LRRK1: variants seen among roughly 807,000 people sequenced by gnomAD.
The protein encoded by LRRK1 is leucine rich repeat kinase 1, also known as leucine-rich repeat serine/threonine-protein kinase 1.
Under a neutral mutation model 209.1 loss-of-function variants are expected in LRRK1, and 113 were observed. The ratio of observed to expected loss-of-function variants is 0.54; its 90% CI spans 0.46 to 0.63. LRRK1 has a LOEUF of 0.63. LRRK1 is among the 30% of genes least tolerant of loss of function. LRRK1 has a pLI of 0.00. For missense variants in LRRK1, 2,284 were observed against 2,632.2 expected (o/e 0.87, Z 2.89); for synonymous variants, 1,144 against 1,099.7 (o/e 1.04, Z -0.80).
At chr15:101,034,209 T>C (rs927942894) in intron 20 of LRRK1, among the ~76,000 whole-genome samples, 2 of 152,224 alleles carry the variant, frequency 1.3e-5, no homozygotes, top group East Asian at 1.9e-4. Flanking sequence ...TCAACAGGTC[T>C]CTTCACTCTG....
intron 2 of LRRK1, among the ~76,000 whole-genome samples, chr15:100,936,375 G>C (rs2042299540): frequency 6.6e-6 from 1 of 152,122 alleles, no homozygotes; most frequent in Admixed American, 6.5e-5. Context: ...TATCATTTCT[G>C]CCTTGCCAGG....
chr15:101,049,935 G>A (rs2035308734), intron 23 of LRRK1, 152 bp downstream of exon 23: 3 of 818,306 alleles, frequency 3.7e-6, no homozygotes, highest in South Asian at 2.0e-5. Flanking sequence ...GGGAGTCCTG[G>A]CCCCCGAGAA....
chr15:100,992,581 GT>G (rs1167721970), intron 6 of LRRK1, among the ~76,000 whole-genome samples: 3 of 152,154 alleles, frequency 2.0e-5, no homozygotes, highest in Non-Finnish European at 4.4e-5. Flanking sequence ...AAAATTACTT[GT>G]TTTGTTTGTT....
At position 101,022,181 on chromosome 15, in the gene LRRK1, ATT is replaced by A. The variant is rs1313426532; in HGVS notation, c.1853-199_1853-198del. Among the ~76,000 whole-genome samples, 3 of 152,086 alleles carry A rather than the reference ATT, an allele frequency of 2.0e-5. No homozygotes were observed. The highest frequency in any genetic ancestry group is 4.4e-5 in the Non-Finnish European group (3 of 68,010). On this transcript the variant is annotated intron_variant, in intron 14 of 33. Coordinates refer to ENST00000388948, the MANE Select transcript of LRRK1 (RefSeq NM_024652.6). The surrounding 1 kb of genome is among the most constrained non-coding windows in gnomAD (Gnocchi z 4.0). ...AACTGTGACCTCCTGGGCAGCAAGG[ATT>A]TTGTCCATAGGTTCTTGCCTCTTAG... is the stretch of plus-strand genomic sequence containing the variant.
At chr15:100,988,471 CA>C (rs1369651400) in intron 4 of LRRK1, 162 bp from the exon 5 acceptor site, 8 of 714,744 alleles carry the variant, frequency 1.1e-5, no homozygotes, top group Non-Finnish European at 2.0e-5. Context: ...CTGCAAAGTA[CA>C]TGATCTCATT....
At chr15:101,035,998 C>G (rs904468587) in intron 20 of LRRK1, among the ~76,000 whole-genome samples, 3 of 152,162 alleles carry the variant, frequency 2.0e-5, no homozygotes, top group Non-Finnish European at 4.4e-5. Context: ...TGACTAGATT[C>G]TTTTCTATTG....
chr15:100,983,909 A>G lies in LRRK1; in HGVS notation c.433+210A>G, dbSNP rs542419632. On this transcript the variant is annotated intron_variant, in intron 4 of 33. Coordinates refer to ENST00000388948, the MANE Select transcript of LRRK1 (RefSeq NM_024652.6). ...CTCATAAGGGAAATTCTCAAACACC[A>G]TATTTCATAAAGAATGTAATTAACA... The G allele has an allele frequency of 8.3e-6, 6 of 721,460 alleles. No individual in the cohort carries two copies. The East Asian group carries it at 1.0e-4, about 13-fold the overall frequency. The allele number at this position is 721,460 out of a possible 1,614,324, so 44.7% of individuals were successfully genotyped here. A position where few individuals can be genotyped will look rare whatever the true frequency, so the allele number is the denominator to read the frequency against.
chr15:101,050,181 C>T (rs2035328353), intron 23 of LRRK1, among the ~76,000 whole-genome samples: 2 of 152,174 alleles, frequency 1.3e-5, no homozygotes, highest in Admixed American at 1.3e-4. Flanking sequence ...ATCCCCTGCG[C>T]AGGGGCAGGG....
chr15:100,929,136 G>T (rs1346187038), intron 2 of LRRK1, among the ~76,000 whole-genome samples: 2 of 152,154 alleles, frequency 1.3e-5, no homozygotes, highest in Non-Finnish European at 2.9e-5. Flanking sequence ...AACCAGTCCC[G>T]CCAGCCAAGG....
intron 3 of LRRK1, among the ~76,000 whole-genome samples, chr15:100,981,874 C>G (rs1371693250): frequency 2.0e-5 from 3 of 152,350 alleles, no homozygotes; most frequent in Middle Eastern, 6.8e-3. Flanking sequence ...CTAAAATGAT[C>G]TCCAAACACA....
intron 28 of LRRK1, 25 bp downstream of exon 28, chr15:101,057,075 G>T: frequency 6.5e-7 from 1 of 1,548,466 alleles, no homozygotes; most frequent in Admixed American, 2.0e-5. Context: ...AGAGCCCAGG[G>T]CCTGGGACCT....
chr15:101,021,771 TGTGC>T lies in LRRK1; in HGVS notation c.1740-70_1740-67del, dbSNP rs1315623789. ...TGCAGAGGCTGACAGGAGCCACGTG[TGTGC>T]GTGTGTGTGTGTGTGTGTGTGTGTG... On this transcript the variant is annotated intron_variant, in intron 13 of 33. Coordinates refer to ENST00000388948, the MANE Select transcript of LRRK1 (RefSeq NM_024652.6). 2.4e-5 allele frequency: 21 copies of T among 873,480 alleles called. No individual in the cohort carries two copies. The African/African-American group carries it at 5.3e-4, about 22-fold the overall frequency. 54.1% of individuals were successfully genotyped at this position (873,480 alleles called of 1,614,324 possible).
rs1335513063 is a variant in LRRK1 at position 101,014,428 on chromosome 15, A to G, written c.1532A>G (p.Lys511Arg). Residue 511 changes from lysine (K) to arginine (R), a missense_variant and splice_region_variant, in exon 11 of 34, where the codon AAA (lysine) becomes AGA (arginine). Lys to Arg is a conservative substitution (Grantham distance 26, BLOSUM62 2). This residue lies in a region of LRRK1 where 494 missense variants were observed against 522.1 expected (regional missense o/e 0.95). Transcript: ENST00000388948. ...TLDLSRNQLG[K>R]NEDGLKTKRI... ...GATCTCTCCAGAAACCAACTTGGCA[A>G]GTAAGCAGGGGCCTCTCCTCCCTGG... is the stretch of plus-strand genomic sequence containing the variant. The G allele has an allele frequency of 1.2e-6, 2 of 1,605,912 alleles. No homozygotes were observed. Among genetic ancestry groups the G allele is most frequent in the Non-Finnish European group, 1.7e-6 (2 of 1,172,582 alleles).
intron 20 of LRRK1, among the ~76,000 whole-genome samples, chr15:101,029,725 G>A (rs570619482): frequency 1.2e-4 from 18 of 152,160 alleles, no homozygotes; most frequent in African/African-American, 3.1e-4. Flanking sequence ...AAAATTAGCC[G>A]GGCATGGTGG....
intron 20 of LRRK1, among the ~76,000 whole-genome samples, chr15:101,036,277 T>A (rs78861443): frequency 0.014 from 2,157 of 152,348 alleles, 43 homozygotes; most frequent in African/African-American, 0.048. Flanking sequence ...GAGAAAATAT[T>A]TACTCATTAT....
At chr15:100,931,649 G>A (rs954809653) in intron 2 of LRRK1, among the ~76,000 whole-genome samples, 1 of 152,138 alleles carries the variant, frequency 6.6e-6, no homozygotes, top group Admixed American at 6.5e-5. Flanking sequence ...GGGCTGGCGC[G>A]GGAGGCCAGG....
chr15:100,926,473 C>T (rs1367589162), intron 2 of LRRK1, among the ~76,000 whole-genome samples: 2 of 151,824 alleles, frequency 1.3e-5, no homozygotes, highest in Non-Finnish European at 2.9e-5. Context: ...GCTCCCTCCC[C>T]TCCTGGTCAA....
chr15:101,021,797 T>C (rs923048004), intron 13 of LRRK1, 48 bp from the exon 14 acceptor site: 1 of 1,112,730 alleles, frequency 9.0e-7, no homozygotes, highest in Non-Finnish European at 1.4e-6. Flanking sequence ...TGTGTGTGTG[T>C]GTGTGTGTGT....
intron 2 of LRRK1, among the ~76,000 whole-genome samples, chr15:100,934,103 T>C (rs1328298579): frequency 6.6e-6 from 1 of 152,184 alleles, no homozygotes; most frequent in Non-Finnish European, 1.5e-5. Flanking sequence ...AATCATGTAT[T>C]GAAACCAATA....
Sources: allele counts gnomAD v4.1 joint callset (sites outside exome capture counted in the v4.1 genomes callset), GRCh38; gene constraint gnomAD v4.1.1; regional missense constraint gnomAD v4.1.1; non-coding constraint Gnocchi (gnomAD v3.1); transcripts MANE v1.5; gene names NCBI Gene and HGNC (gene_info 2026-07-23, HGNC 2026-07-21).